HDHD5: variants seen among roughly 807,000 people sequenced by gnomAD.
HDHD5 encodes the protein haloacid dehalogenase like hydrolase domain containing 5, also known as haloacid dehalogenase-like hydrolase domain-containing 5.
In HDHD5, 34 loss-of-function variants were observed where a neutral mutation model predicts 35.5. That is an observed-to-expected ratio of 0.96 (90% CI 0.73 to 1.28). The LOEUF (loss-of-function observed/expected upper bound fraction) is 1.28, where lower values mean the gene tolerates loss of function less well. Ranked by LOEUF, HDHD5 falls within the 50% of genes most tolerant of loss-of-function variation. The probability of loss-of-function intolerance (pLI) is 0.00; values close to 1 mark genes in which losing one functional copy is unlikely to be tolerated. For missense variants in HDHD5, 589 were observed against 560.2 expected (o/e 1.05, Z -0.52); for synonymous variants, 248 against 240.6 (o/e 1.03, Z -0.29).
upstream of HDHD5, chr22:17,159,649 G>A: frequency 5.3e-6 from 2 of 376,338 alleles, no homozygotes; most frequent in South Asian, 3.6e-5. Context: ...GGCCGCTGGG[G>A]CAGACCCTTA....
upstream of HDHD5, chr22:17,159,390 C>G (rs990450246): frequency 5.9e-6 from 6 of 1,014,786 alleles, no homozygotes; most frequent in African/African-American, 6.8e-5. Flanking sequence ...CCGTCGGGCG[C>G]CTATGGAACT....
upstream of HDHD5, chr22:17,159,292 C>G (rs779435723): frequency 8.1e-6 from 10 of 1,237,950 alleles, no homozygotes; most frequent in Middle Eastern, 3.1e-4. Context: ...TGCGGCCCCC[C>G]CCCCCCGCGA....
At position 17,153,756 on chromosome 22, in the gene HDHD5, G is replaced by A. The variant is rs187750447; in HGVS notation, c.127-4011C>T. On this transcript the variant is annotated intron_variant, in intron 1 of 7. Transcript: ENST00000336737. ...ACCTGACACAGTGCTTAGACTCACAGGTGATTGACAAAGGCTGACTGGATG... is the reference window on the plus strand; with the variant it reads ...ACCTGACACAGTGCTTAGACTCACAAGTGATTGACAAAGGCTGACTGGATG... Among the ~76,000 whole-genome samples, 199 of 152,286 alleles carry A rather than the reference G, an allele frequency of 1.3e-3. 2 individuals carry two copies. Among genetic ancestry groups the A allele is most frequent in the African/African-American group, 3.9e-3 (161 of 41,568 alleles).
At chr22:17,162,421 G>T (rs369260395), upstream of HDHD5, among the ~76,000 whole-genome samples, 9 of 152,346 alleles carry the variant, frequency 5.9e-5, no homozygotes, top group East Asian at 9.6e-4. Flanking sequence ...AGGAGTTTCA[G>T]CCTAAGTCAG....
At chr22:17,154,613 TTTC>T (rs2061763911) in intron 1 of HDHD5, among the ~76,000 whole-genome samples, 2 of 103,306 alleles carry the variant, frequency 1.9e-5, no homozygotes, top group South Asian at 8.6e-4. Flanking sequence ...ATGTCCTTAT[TTTC>T]TTTTTTTTTT....
In HDHD5 at chr22:17,154,396, T is replaced by C. The variant is rs1185183635; in HGVS notation, c.127-4651A>G. Among the ~76,000 whole-genome samples, 3 of 151,476 alleles carry C rather than the reference T, an allele frequency of 2.0e-5. No homozygotes were observed. The East Asian group carries it at 5.9e-4, about 30-fold the overall frequency. On this transcript the variant is annotated intron_variant, in intron 1 of 7. Transcript: ENST00000336737. ...ACTCGGAAGGCTGAGGCAGAATTGCTTGAACTCGGGAGATGGTGTTTGCAG... is the reference window on the plus strand; with the variant it reads ...ACTCGGAAGGCTGAGGCAGAATTGCCTGAACTCGGGAGATGGTGTTTGCAG...
At chr22:17,160,658 AAAAAT>A (rs2061856991), upstream of HDHD5, among the ~76,000 whole-genome samples, 1 of 149,916 alleles carries the variant, frequency 6.7e-6, no homozygotes, top group Non-Finnish European at 1.5e-5. Context: ...TGAAAAAAAA[AAAAAT>A]AATAATAATA....
At chr22:17,151,845 C>G (rs1238670983) in intron 1 of HDHD5, among the ~76,000 whole-genome samples, 1 of 151,984 alleles carries the variant, frequency 6.6e-6, no homozygotes, top group Non-Finnish European at 1.5e-5. Flanking sequence ...GCCTAGAAAG[C>G]AAACTCTAAA....
intron 4 of HDHD5, chr22:17,143,384 A>C: frequency 2.3e-6 from 1 of 438,888 alleles, no homozygotes. Context: ...AAGGGTGGTC[A>C]GCTGTCTTTC....
chr22:17,138,631 T>C lies in HDHD5; in HGVS notation c.854A>G (p.Tyr285Cys), dbSNP rs1291276912. 6.2e-7 allele frequency: 1 copy of C among 1,614,166 alleles called. No homozygotes were observed. Among genetic ancestry groups the C allele is most frequent in the Admixed American group, 1.7e-5 (1 of 60,018 alleles). ...CCTGATCAGGTCCTCGGCATACTGGTAAGTGAGGATGCTGGGTTTGCCCAT... is the reference window on the plus strand; with the variant it reads ...CCTGATCAGGTCCTCGGCATACTGGCAAGTGAGGATGCTGGGTTTGCCCAT... Reference protein sequence around the residue: ...GLMGKPSILTYQYAEDLIRRQ... With the variant: ...GLMGKPSILTCQYAEDLIRRQ... Residue 285 changes from tyrosine to cysteine, a missense_variant, in exon 7 of 8, where the codon TAC becomes TGC. By Grantham distance (194) the Tyr-to-Cys change is radical. Transcript: ENST00000336737.
intron 1 of HDHD5, 148 bp from the exon 2 acceptor site, chr22:17,149,893 G>C (rs2061707380): frequency 1.6e-6 from 1 of 619,632 alleles, no homozygotes; most frequent in African/African-American, 1.9e-5. Flanking sequence ...ATTCTGATAG[G>C]GCAATCTTTA....
chr22:17,160,662 AT>A (rs143968373), upstream of HDHD5, among the ~76,000 whole-genome samples: 1,945 of 143,234 alleles, frequency 0.014, 23 homozygotes, highest in East Asian at 0.036. Context: ...AAAAAAAAAA[AT>A]AATAATAATA....
rs568720179 is a variant in HDHD5 at position 17,141,676 on chromosome 22, C to T, written c.572-443G>A. ...GGAGTGATAGAGACTTGAAACCCAA[C>T]CTGGACTCCACCGATTCTCCTGTAT... On this transcript the variant is annotated intron_variant, in intron 5 of 7. Transcript: ENST00000336737. The T allele has an allele frequency of 1.7e-5, 16 of 948,588 alleles. No individual in the cohort carries two copies. The South Asian group carries it at 4.6e-4, about 27-fold the overall frequency. The allele number at this position is 948,588 out of a possible 1,614,324, so 58.8% of individuals were successfully genotyped here.
rs757085044 is a variant in HDHD5 at position 17,138,258 on chromosome 22, T to A, written c.1035A>T (p.Thr345=). 1 of 1,614,218 alleles carries A rather than the reference T, an allele frequency of 6.2e-7. No individual in the cohort carries two copies. Among genetic ancestry groups the A allele is most frequent in the Non-Finnish European group, 8.5e-7 (1 of 1,180,050 alleles). The change falls in exon 8 of 8, where the codon ACA becomes ACT. Residue 345 remains threonine (T), a synonymous_variant. Transcript: ENST00000336737. The stretch of plus-strand genomic sequence containing the variant: ...GGCTTGCTGAGGGCTGTTGCTGCCG[T>A]GTGCCCCCGGCCCCTAGTTCTGGCG... ...DGAPELGAGG[T]RQQQPSASQS...
chr22:17,159,509 G>GGGCGGC (rs148919630), upstream of HDHD5: 207 of 463,034 alleles, frequency 4.5e-4, no homozygotes, highest in East Asian at 1.3e-3. Flanking sequence ...GGCACGGCCT[G>GGGCGGC]GGCGGCGGCG....
At chr22:17,158,081 G>A (rs1174359953) in intron 1 of HDHD5, among the ~76,000 whole-genome samples, 1 of 152,192 alleles carries the variant, frequency 6.6e-6, no homozygotes, top group Non-Finnish European at 1.5e-5. Flanking sequence ...ACCACTCTGG[G>A]AGGCCAAGAT....
Position 17,138,538 on chromosome 22 carries a change from A to G in HDHD5, c.935+12T>C, listed in dbSNP as rs139287018. 6.6e-5 allele frequency: 107 copies of G among 1,612,206 alleles called. 1 individual carries two copies. The African/African-American group carries it at 1.2e-3, about 19-fold the overall frequency. ...GTCATAAAAGGGACAAAGGAGGGAG[A>G]GCAGAGCCTACCCCACAGCATAGAG... On this transcript the variant is annotated intron_variant, in intron 7 of 7. Coordinates refer to ENST00000336737, the MANE Select transcript of HDHD5 (RefSeq NM_033070.3).
At chr22:17,162,339 T>G (rs2061868575), upstream of HDHD5, among the ~76,000 whole-genome samples, 1 of 152,230 alleles carries the variant, frequency 6.6e-6, no homozygotes, top group East Asian at 1.9e-4. Context: ...TTGGGATAAT[T>G]CGTTATACAG....
intron 1 of HDHD5, among the ~76,000 whole-genome samples, chr22:17,152,044 C>T (rs1204148635): frequency 6.6e-6 from 1 of 152,158 alleles, no homozygotes. Context: ...TGCCTGCCTA[C>T]CTGGTTCAAT....
Sources: gnomAD v4.1 joint callset for allele counts (sites outside exome capture counted in the v4.1 genomes callset) on GRCh38, gnomAD v4.1.1 for gene constraint, MANE v1.5 for transcripts, NCBI Gene and HGNC (gene_info 2026-07-23, HGNC 2026-07-21) for gene names.